Variants in SRRM4 observed in about 807,000 individuals in gnomAD.
SRRM4 encodes the protein serine/arginine repetitive matrix protein 4.
Under a neutral mutation model 68.9 loss-of-function variants are expected in SRRM4, and 33 were observed. The ratio of observed to expected loss-of-function variants is 0.48; its 90% CI spans 0.36 to 0.64. SRRM4 has a LOEUF of 0.64. Among genes scored for constraint, SRRM4 ranks in the 30% least tolerant of loss-of-function variants. The probability of loss-of-function intolerance (pLI) is 0.00; values close to 1 mark genes in which losing one functional copy is unlikely to be tolerated. For synonymous variants in SRRM4, 318 were observed against 318.8 expected (o/e 1.00, Z 0.03); for missense variants, 817 against 827.1 (o/e 0.99, Z 0.15).
chr12:119,052,026 A>C (rs1032173014), intron 1 of SRRM4, among the ~76,000 whole-genome samples: 4 of 152,176 alleles, frequency 2.6e-5, no homozygotes, highest in Admixed American at 6.5e-5. Context: ...AGAGTGTTCC[A>C]TTTTAGAGCT....
chr12:119,095,065 T>C (rs1317124166), intron 1 of SRRM4, among the ~76,000 whole-genome samples: 1 of 152,254 alleles, frequency 6.6e-6, no homozygotes, highest in East Asian at 1.9e-4. Flanking sequence ...CTATTGCTTT[T>C]TCAAGCCACA....
intron 1 of SRRM4, among the ~76,000 whole-genome samples, chr12:119,066,245 G>A (rs968734450): frequency 2.6e-5 from 4 of 152,122 alleles, no homozygotes; most frequent in African/African-American, 4.8e-5. Context: ...GCCAAGTACT[G>A]TAATAAACCT....
chr12:119,056,437 A>T (rs1953777210), intron 1 of SRRM4, among the ~76,000 whole-genome samples: 1 of 152,214 alleles, frequency 6.6e-6, no homozygotes, highest in Non-Finnish European at 1.5e-5. Context: ...CTTATGTAAC[A>T]TTCCGGTGAA....
intron 1 of SRRM4, among the ~76,000 whole-genome samples, chr12:119,011,317 G>A (rs962505411): frequency 3.9e-5 from 6 of 152,080 alleles, no homozygotes; most frequent in Non-Finnish European, 7.3e-5. Context: ...TGACATTTAG[G>A]GCCAGCCAGA....
intron 1 of SRRM4, among the ~76,000 whole-genome samples, chr12:119,086,354 A>T: frequency 6.6e-6 from 1 of 152,138 alleles, no homozygotes. Context: ...CTTTGCTTCC[A>T]TCCTGTTCCC....
intron 1 of SRRM4, among the ~76,000 whole-genome samples, chr12:119,092,727 G>C (rs1404128272): frequency 1.3e-5 from 2 of 151,968 alleles, no homozygotes; most frequent in East Asian, 3.9e-4. Flanking sequence ...CCAGATCCCT[G>C]GCCATATAGG....
intron 1 of SRRM4, among the ~76,000 whole-genome samples, chr12:119,043,928 C>G (rs934393690): frequency 6.6e-6 from 1 of 152,052 alleles, no homozygotes; most frequent in African/African-American, 2.4e-5. Flanking sequence ...TGCAATGGCG[C>G]GATCTCAGCT....
chr12:119,089,348 T>A (rs1788019825), intron 1 of SRRM4, among the ~76,000 whole-genome samples: 1 of 152,210 alleles, frequency 6.6e-6, no homozygotes, highest in African/African-American at 2.4e-5. Flanking sequence ...GGTAATGGGT[T>A]TGACTTTTAA....
chr12:118,996,104 T>A (rs1436466302), intron 1 of SRRM4, among the ~76,000 whole-genome samples: 3 of 152,258 alleles, frequency 2.0e-5, no homozygotes, highest in Admixed American at 1.3e-4. Flanking sequence ...ACATTTATGG[T>A]AAAGTGAGAT....
At chr12:119,121,123 A>T (rs921278688) in intron 5 of SRRM4, among the ~76,000 whole-genome samples, 7 of 152,216 alleles carry the variant, frequency 4.6e-5, no homozygotes, top group African/African-American at 1.7e-4. Context: ...ACAGCAGCTA[A>T]GAAGCAGAGG....
chr12:119,076,532 C>A (rs959692022), intron 1 of SRRM4, among the ~76,000 whole-genome samples: 2 of 152,096 alleles, frequency 1.3e-5, no homozygotes, highest in Admixed American at 6.6e-5. Context: ...TCCTCATCTG[C>A]GAATTAAGTC....
At chr12:118,998,268 C>CA (rs35250419) in intron 1 of SRRM4, among the ~76,000 whole-genome samples, 911 of 36,568 alleles carry the variant, frequency 0.025, 159 homozygotes, top group Non-Finnish European at 0.029. Flanking sequence ...AGCAATATGG[C>CA]AAAAAAAAAA....
intron 1 of SRRM4, among the ~76,000 whole-genome samples, chr12:119,018,589 A>G (rs77795530): frequency 0.036 from 5,491 of 152,110 alleles, 373 homozygotes; most frequent in African/African-American, 0.13. Context: ...TGAGTTCAAA[A>G]CTCTACAGCT....
intron 1 of SRRM4, among the ~76,000 whole-genome samples, chr12:118,984,613 C>A (rs553603506): frequency 1.3e-5 from 2 of 152,256 alleles, no homozygotes; most frequent in Non-Finnish European, 2.9e-5. Flanking sequence ...AATTTAGTAC[C>A]AGGATAGAAA....
chr12:118,985,660 C>T (rs1565883367), intron 1 of SRRM4, among the ~76,000 whole-genome samples: 1 of 152,158 alleles, frequency 6.6e-6, no homozygotes, highest in Admixed American at 6.5e-5. Flanking sequence ...AGCCACCTCC[C>T]TTTTATCCCC....
In SRRM4 at chr12:119,120,262, G is replaced by T; in HGVS notation, c.450G>T (p.Lys150Asn). The T allele has an allele frequency of 6.5e-7, 1 of 1,547,724 alleles. No individual in the cohort carries two copies. The change falls in exon 5 of 13, where the codon AAG (lysine) becomes AAT (asparagine). Residue 150 changes from lysine (K) to asparagine (N), a missense_variant. Physicochemically the swap from Lys to Asn is moderately conservative, Grantham distance 94 (BLOSUM62 0). Coordinates refer to ENST00000267260, the MANE Select transcript of SRRM4 (RefSeq NM_194286.4). ...KKHKRRRSFS[K>N]KRRHSSSSPK... ...TCTTTCTTTTCAGGTCATTCTCCAA[G>T]AAGAGAAGGCACAGGTAAGACTCTT...
At chr12:119,081,462 C>T (rs1371966467) in intron 1 of SRRM4, among the ~76,000 whole-genome samples, 1 of 152,268 alleles carries the variant, frequency 6.6e-6, no homozygotes, top group East Asian at 1.9e-4. Context: ...CATCAGGGAA[C>T]AGCAAAGAGA....
In SRRM4 at chr12:119,156,826, GC is replaced by G. The variant is rs35749081; in HGVS notation, c.*32del. 6.7e-7 allele frequency: 1 copy of G among 1,486,490 alleles called. No homozygotes were observed. The highest frequency in any genetic ancestry group is 8.9e-7 in the Non-Finnish European group (1 of 1,121,756). The allele number at this position is 1,486,490 out of a possible 1,614,324, so 92.1% of individuals were successfully genotyped here. A position where few individuals can be genotyped will look rare whatever the true frequency, so the allele number is the denominator to read the frequency against. ...GCCCCTGAGCCAGCTGCCCGTGGGG[GC>G]CCCTTCGCGCTGCCAGCCTCCCCCA... On this transcript the variant is annotated 3_prime_UTR_variant, in exon 13 of 13. Coordinates refer to ENST00000267260, the MANE Select transcript of SRRM4 (RefSeq NM_194286.4).
intron 1 of SRRM4, among the ~76,000 whole-genome samples, chr12:119,038,816 G>A (rs1169360671): frequency 6.6e-6 from 1 of 152,148 alleles, no homozygotes; most frequent in East Asian, 1.9e-4. Flanking sequence ...CGTGTTATCA[G>A]CTATTTGTAG....
Sources: allele counts gnomAD v4.1 joint callset (sites outside exome capture counted in the v4.1 genomes callset), GRCh38; gene constraint gnomAD v4.1.1; transcripts MANE v1.5; gene names NCBI Gene and HGNC (gene_info 2026-07-23, HGNC 2026-07-21).